ARIH2: variants seen among roughly 807,000 people sequenced by gnomAD.
ARIH2 encodes E3 ubiquitin-protein ligase ARIH2.
In ARIH2, 12 loss-of-function variants were observed where a neutral mutation model predicts 79.8. The ratio of observed to expected loss-of-function variants is 0.15; its 90% confidence interval spans 0.10 to 0.24. The LOEUF is 0.24. Among genes scored for constraint, ARIH2 ranks in the 10% least tolerant of loss-of-function variants. ARIH2 has a pLI of 1.00. For synonymous variants in ARIH2, 224 were observed against 213.9 expected (o/e 1.05, Z -0.41); for missense variants, 301 against 618.3 (o/e 0.49, Z 5.44).
chr3:48,954,400 G>A (rs962392008), intron 3 of ARIH2, among the ~76,000 whole-genome samples: 9 of 151,552 alleles, frequency 5.9e-5, no homozygotes, highest in African/African-American at 2.2e-4. Context: ...TCGCACTACT[G>A]CACTCCAGTC....
chr3:48,944,565 G>A (rs1419164516), intron 3 of ARIH2, among the ~76,000 whole-genome samples: 1 of 152,136 alleles, frequency 6.6e-6, no homozygotes, highest in Non-Finnish European at 1.5e-5. Context: ...AAGTGGAATG[G>A]GCAAAGTTAT....
chr3:48,919,155 G>A lies in ARIH2; in HGVS notation c.-162+157G>A, dbSNP rs181008139. 4.3e-5 allele frequency: 56 copies of A among 1,300,096 alleles called. No individual in the cohort carries two copies. In the African/African-American group the frequency reaches 6.5e-4, roughly 15 times the overall value. The allele number at this position is 1,300,096 out of a possible 1,614,324, so 80.5% of individuals were successfully genotyped here. A position where few individuals can be genotyped will look rare whatever the true frequency, so the allele number is the denominator to read the frequency against. ...CCGGCACGTTGTCCGAGCATTACCC[G>A]CCGTCAGCGGCCGGGCGCCCAGCGT... is the stretch of plus-strand genomic sequence containing the variant. On this transcript the variant is annotated intron_variant, in intron 1 of 15. Coordinates refer to ENST00000356401, the MANE Select transcript of ARIH2 (RefSeq NM_006321.4).
chr3:48,946,244 T>C (rs936769543), intron 3 of ARIH2, among the ~76,000 whole-genome samples: 2 of 151,962 alleles, frequency 1.3e-5, no homozygotes, highest in African/African-American at 2.4e-5. Context: ...GAAGCAGGCA[T>C]AGAACTGTGT....
chr3:48,980,981 A>G (rs1308196661), intron 13 of ARIH2, among the ~76,000 whole-genome samples: 1 of 126,044 alleles, frequency 7.9e-6, no homozygotes, highest in East Asian at 2.7e-4. Context: ...AGATCACACC[A>G]TTGCACTCCA....
intron 4 of ARIH2, among the ~76,000 whole-genome samples, chr3:48,963,410 A>G (rs1235981249): frequency 1.3e-5 from 2 of 152,210 alleles, no homozygotes; most frequent in Non-Finnish European, 2.9e-5. Context: ...CCCCTCAATA[A>G]GGATAGCTGA....
At chr3:48,957,014 A>G (rs1023544167) in intron 3 of ARIH2, among the ~76,000 whole-genome samples, 2 of 152,162 alleles carry the variant, frequency 1.3e-5, no homozygotes, top group African/African-American at 4.8e-5. Context: ...TGCCTGGCCT[A>G]TCCTATACGT....
chr3:48,975,566 C>CTT (rs752606580), intron 11 of ARIH2, among the ~76,000 whole-genome samples: 1 of 142,864 alleles, frequency 7.0e-6, no homozygotes, highest in Non-Finnish European at 1.5e-5. Flanking sequence ...CTGACAGTTT[C>CTT]TTTTTTTTTT....
At position 48,984,919 on chromosome 3, in the gene ARIH2, G is replaced by A. The variant is rs1216611924; in HGVS notation, c.*1649G>A. On this transcript the variant is annotated 3_prime_UTR_variant, in exon 16 of 16. Transcript: ENST00000356401. ...CCTTCCTCAGGTTTTGTCTCTTCCT[G>A]TGTTGTCCCCAGCAAGGGAGAGACT... is the stretch of plus-strand genomic sequence containing the variant. The A allele has an allele frequency of 2.6e-5, 4 of 152,286 alleles. No individual in the cohort carries two copies. Among genetic ancestry groups the A allele is most frequent in the African/African-American group, 4.8e-5 (2 of 41,446 alleles). The allele number at this position is 152,286 out of a possible 1,614,324, so 9.4% of individuals were successfully genotyped here. A position where few individuals can be genotyped will look rare whatever the true frequency, so the allele number is the denominator to read the frequency against.
At chr3:48,980,802 C>T (rs1488441428) in intron 13 of ARIH2, among the ~76,000 whole-genome samples, 1 of 151,952 alleles carries the variant, frequency 6.6e-6, no homozygotes, top group Non-Finnish European at 1.5e-5. Flanking sequence ...TGTCTGATCA[C>T]TTGAGGTCAG....
At chr3:48,919,973 A>G (rs2084560669) in intron 1 of ARIH2, among the ~76,000 whole-genome samples, 1 of 151,162 alleles carries the variant, frequency 6.6e-6, no homozygotes, top group African/African-American at 2.4e-5. Flanking sequence ...CTCTGGAGGA[A>G]ATTTTTTTTT....
intron 11 of ARIH2, among the ~76,000 whole-genome samples, chr3:48,977,856 A>G (rs2092591184): frequency 6.6e-6 from 1 of 152,186 alleles, no homozygotes; most frequent in Non-Finnish European, 1.5e-5. Context: ...GAAAAATTGA[A>G]CAACCTCTGG....
chr3:48,980,588 G>A, intron 13 of ARIH2, 92 bp downstream of exon 13: 12 of 1,438,852 alleles, frequency 8.3e-6, no homozygotes, highest in Non-Finnish European at 1.1e-5. Flanking sequence ...TTGAAAGAGG[G>A]TATTTTAGCA....
intron 14 of ARIH2, among the ~76,000 whole-genome samples, chr3:48,982,170 C>G (rs1323235408): frequency 1.3e-5 from 2 of 152,228 alleles, no homozygotes; most frequent in East Asian, 3.9e-4. Flanking sequence ...TGTTTAAATG[C>G]TGGAAAACAG....
chr3:48,949,111 A>C lies in ARIH2; in HGVS notation c.256-12501A>C, dbSNP rs566736824. ...TGGGTCACATGGTAAGTGTATGTTTAACATTTATTTATTTATTTATTTTTG... is the reference window on the plus strand; with the variant it reads ...TGGGTCACATGGTAAGTGTATGTTTCACATTTATTTATTTATTTATTTTTG... On this transcript the variant is annotated intron_variant, in intron 3 of 15. Coordinates refer to ENST00000356401, the MANE Select transcript of ARIH2 (RefSeq NM_006321.4). The C allele has an allele frequency of 4.1e-3, 1,592 of 391,118 alleles. 9 individuals carry two copies. Among genetic ancestry groups the C allele is most frequent in the Middle Eastern group, 0.019 (57 of 2,946 alleles). The allele number at this position is 391,118 out of a possible 1,614,324, so 24.2% of individuals were successfully genotyped here.
intron 11 of ARIH2, among the ~76,000 whole-genome samples, chr3:48,978,787 C>T (rs2092647451): frequency 6.6e-6 from 1 of 151,410 alleles, no homozygotes; most frequent in South Asian, 2.1e-4. Context: ...CATGGTGAAA[C>T]CCCATCTCTA....
intron 3 of ARIH2, among the ~76,000 whole-genome samples, chr3:48,935,562 T>C (rs1292217096): frequency 6.6e-6 from 1 of 152,232 alleles, no homozygotes; most frequent in Admixed American, 6.5e-5. Flanking sequence ...AGTGGTCAGA[T>C]GATTGGGTTC....
intron 3 of ARIH2, among the ~76,000 whole-genome samples, chr3:48,928,988 A>G (rs1375784996): frequency 6.6e-6 from 1 of 152,188 alleles, no homozygotes; most frequent in Non-Finnish European, 1.5e-5. Flanking sequence ...TCCAGAGGGC[A>G]TTTCCCTGGT....
chr3:48,965,019 T>C (rs532013752), intron 5 of ARIH2, 37 bp downstream of exon 5: 2 of 1,590,064 alleles, frequency 1.3e-6, no homozygotes, highest in South Asian at 1.1e-5. Context: ...TTCTCCTAAT[T>C]GCATGTGGTT....
At chr3:48,934,904 G>A (rs2086900895) in intron 3 of ARIH2, 2 of 985,002 alleles carry the variant, frequency 2.0e-6, no homozygotes, top group African/African-American at 3.5e-5. Context: ...TGTGCTTTCT[G>A]TCTACCTCAG....
Sources: gnomAD v4.1 joint callset for allele counts (sites outside exome capture counted in the v4.1 genomes callset) on GRCh38, gnomAD v4.1.1 for gene constraint, MANE v1.5 for transcripts, NCBI Gene and HGNC (gene_info 2026-07-23, HGNC 2026-07-21) for gene names.